Variants in DENND6A observed in about 807,000 individuals in gnomAD.
The protein encoded by DENND6A is protein DENND6A.
DENND6A carries 43 observed loss-of-function variants against 95.5 expected under a neutral mutation model. That is an observed-to-expected ratio of 0.45 (90% CI 0.35 to 0.58). The LOEUF is 0.58. Among genes scored for constraint, DENND6A ranks in the 20% least tolerant of loss-of-function variants. The probability of loss-of-function intolerance (pLI) is 0.00; values close to 1 mark genes in which losing one functional copy is unlikely to be tolerated. For synonymous variants in DENND6A, 257 were observed against 260.4 expected (o/e 0.99, Z 0.13); for missense variants, 574 against 736.0 (o/e 0.78, Z 2.55).
chr3:57,649,646 ATATATATATAGTTG>A (rs2071156418), intron 9 of DENND6A, among the ~76,000 whole-genome samples: 1 of 150,740 alleles, frequency 6.6e-6, no homozygotes, highest in Non-Finnish European at 1.5e-5. Context: ...AAAAAAATAT[ATATATATATAGTTG>A]TATGTGTGTA....
rs543125495 is a variant in DENND6A, at chr3:57,625,542, A to T, written c.*2672T>A. The stretch of plus-strand genomic sequence containing the variant: ...CTCTTTTTCACTGTAAATAGAAGGC[A>T]CTAGGCATTACATAATACCCTTAAA... On this transcript the variant is annotated 3_prime_UTR_variant, in exon 20 of 20. Coordinates refer to ENST00000311128, the MANE Select transcript of DENND6A (RefSeq NM_152678.3). 6.5e-6 allele frequency: 1 copy of T among 152,720 alleles called. No homozygotes were observed. The highest frequency in any genetic ancestry group is 2.1e-4 in the South Asian group (1 of 4,828). 9.5% of individuals were successfully genotyped at this position (152,720 alleles called of 1,614,324 possible). A position where few individuals can be genotyped will look rare whatever the true frequency, so the allele number is the denominator to read the frequency against.
intron 3 of DENND6A, among the ~76,000 whole-genome samples, chr3:57,667,684 CTT>C (rs2071545985): frequency 2.0e-5 from 3 of 152,306 alleles, no homozygotes; most frequent in South Asian, 4.1e-4. Context: ...TCCATAAACT[CTT>C]GTTACTGTTC....
chr3:57,689,527 C>T (rs1482710092), intron 1 of DENND6A, among the ~76,000 whole-genome samples: 1 of 152,152 alleles, frequency 6.6e-6, no homozygotes, highest in Non-Finnish European at 1.5e-5. Context: ...CTGCAGTCAA[C>T]ACCTTGTTCA....
rs182739046 is a variant in DENND6A at position 57,678,326 on chromosome 3, C to G, written c.238-5888G>C. Among the ~76,000 whole-genome samples the G allele has an allele frequency of 1.2e-4, 19 of 152,342 alleles. No individual in the cohort carries two copies. In the East Asian group the frequency reaches 3.3e-3, roughly 26 times the overall value. On this transcript the variant is annotated intron_variant, in intron 1 of 19. Coordinates refer to ENST00000311128, the MANE Select transcript of DENND6A (RefSeq NM_152678.3). ...ACAGCTACTATTTTCTTCTGAGAAA[C>G]ACGTTCTTCAAGACCCATAAAGAGT...
chr3:57,633,404 AC>A, intron 14 of DENND6A, 50 bp from the exon 15 acceptor site: 1 of 1,405,738 alleles, frequency 7.1e-7, no homozygotes, highest in Non-Finnish European at 1.0e-6. Flanking sequence ...GGAATATAAA[AC>A]AATGGATAAC....
At chr3:57,641,429 AATAAT>A (rs2070934105) in intron 12 of DENND6A, among the ~76,000 whole-genome samples, 1 of 148,180 alleles carries the variant, frequency 6.7e-6, no homozygotes, top group Non-Finnish European at 1.5e-5. Context: ...ATTATTCTAT[AATAAT>A]ATAACACTAT....
rs781222985 is a variant in DENND6A at position 57,628,261 on chromosome 3, A to C, written c.1780T>G (p.Leu594Val). Residue 594 changes from leucine (L) to valine (V), a missense_variant, in exon 20 of 20, where the codon TTG (leucine) becomes GTG (valine). Physicochemically the swap from Leu to Val is conservative, Grantham distance 32. Transcript: ENST00000311128. ...AGTATGCCTTGCAAGTCCTCTGGCA[A>C]TGCTAAGATAATGGCATCTATGTGT... ...RTHIDAIILA[L>V]PEDLQGILLK... is the part of the protein sequence containing the mutation. The C allele has an allele frequency of 2.5e-6, 4 of 1,614,156 alleles. No individual in the cohort carries two copies. Among genetic ancestry groups the C allele is most frequent in the Non-Finnish European group, 3.4e-6 (4 of 1,180,024 alleles).
At chr3:57,654,172 G>T (rs1437636472) in intron 9 of DENND6A, among the ~76,000 whole-genome samples, 2 of 151,422 alleles carry the variant, frequency 1.3e-5, no homozygotes, top group Non-Finnish European at 2.9e-5. Context: ...AGCCAGGATG[G>T]TCTCGATCTC....
chr3:57,663,193 G>T (rs1041625071), intron 5 of DENND6A, among the ~76,000 whole-genome samples: 3 of 146,790 alleles, frequency 2.0e-5, no homozygotes, highest in African/African-American at 7.6e-5. Context: ...TAAGCCAGGT[G>T]CAGTAGCTCA....
At chr3:57,654,840 C>A in intron 9 of DENND6A, 1 of 913,938 alleles carries the variant, frequency 1.1e-6, no homozygotes, top group Non-Finnish European at 1.3e-6. Context: ...AAATCTATCA[C>A]CTTCAATATA....
chr3:57,684,962 G>A (rs951934545), intron 1 of DENND6A, among the ~76,000 whole-genome samples: 4 of 152,142 alleles, frequency 2.6e-5, no homozygotes, highest in African/African-American at 9.7e-5. Flanking sequence ...GCACACACCT[G>A]GAGTGCAATG....
chr3:57,645,644 A>G lies in DENND6A; in HGVS notation c.1037+17T>C, dbSNP rs900132388. 4 of 1,576,488 alleles carry G rather than the reference A, an allele frequency of 2.5e-6. No individual in the cohort carries two copies. Among genetic ancestry groups the G allele is most frequent in the Non-Finnish European group, 2.6e-6 (3 of 1,149,794 alleles). On this transcript the variant is annotated intron_variant, in intron 11 of 19. Coordinates refer to ENST00000311128, the MANE Select transcript of DENND6A (RefSeq NM_152678.3). ...TATAAAGGTAATACCTGGTCAATAGAAGTTATTTTTACTTACGGAGCTTGG... is the reference window on the plus strand; with the variant it reads ...TATAAAGGTAATACCTGGTCAATAGGAGTTATTTTTACTTACGGAGCTTGG...
intron 9 of DENND6A, among the ~76,000 whole-genome samples, chr3:57,653,389 G>GT (rs749717779): frequency 6.6e-6 from 1 of 152,082 alleles, no homozygotes; most frequent in Non-Finnish European, 1.5e-5. Flanking sequence ...TATCAAAGTT[G>GT]TTTTTTTGGG....
At chr3:57,683,469 T>C (rs957733938) in intron 1 of DENND6A, among the ~76,000 whole-genome samples, 1 of 152,186 alleles carries the variant, frequency 6.6e-6, no homozygotes, top group Non-Finnish European at 1.5e-5. Flanking sequence ...TTTATGTCAT[T>C]GACATAGGTC....
At chr3:57,629,769 A>C (rs1226032312) in intron 18 of DENND6A, among the ~76,000 whole-genome samples, 2 of 148,946 alleles carry the variant, frequency 1.3e-5, no homozygotes, top group Non-Finnish European at 3.0e-5. Context: ...TGATCCACCC[A>C]CCTCAGCCTC....
chr3:57,639,953 T>C (rs544419566), intron 12 of DENND6A, among the ~76,000 whole-genome samples: 3 of 152,206 alleles, frequency 2.0e-5, no homozygotes, highest in Admixed American at 6.5e-5. Context: ...TATATCTATG[T>C]ATAACAAAAG....
chr3:57,629,574 C>T (rs1441455853), intron 18 of DENND6A, among the ~76,000 whole-genome samples: 3 of 145,524 alleles, frequency 2.1e-5, no homozygotes, highest in South Asian at 4.3e-4. Context: ...CACAGTGGCG[C>T]GATCTCAGCT....
rs538244559 is a variant in DENND6A, at chr3:57,671,455, G to A, written c.319+801C>T. Among the ~76,000 whole-genome samples the A allele has an allele frequency of 9.5e-4, 145 of 152,056 alleles. 2 individuals carry two copies. Among genetic ancestry groups the A allele is most frequent in the Middle Eastern group, 3.4e-3 (1 of 294 alleles). ...TGAGGTGAGAGAATGGTGTGAACCC[G>A]GGAGGCGGAGCTTGCAGTGAGCTGA... On this transcript the variant is annotated intron_variant, in intron 3 of 19. Transcript: ENST00000311128.
Position 57,658,099 on chromosome 3 carries a change from G to C in DENND6A, c.763-364C>G, listed in dbSNP as rs2071361169. ...AAAATACAAAAAATTAGCCAGGCAT[G>C]GGGGCAGGCGCCTGTAGTCCCAGCT... is the stretch of plus-strand genomic sequence containing the variant. On this transcript the variant is annotated intron_variant, in intron 8 of 19. Transcript: ENST00000311128. Among the ~76,000 whole-genome samples, 3 of 152,072 alleles carry C rather than the reference G, an allele frequency of 2.0e-5. No homozygotes were observed. The South Asian group carries it at 6.2e-4, about 32-fold the overall frequency.
Sources: allele counts gnomAD v4.1 joint callset (sites outside exome capture counted in the v4.1 genomes callset), GRCh38; gene constraint gnomAD v4.1.1; transcripts MANE v1.5; gene names NCBI Gene and HGNC (gene_info 2026-07-23, HGNC 2026-07-21).